The following COL5A2 variants were observed in gnomAD, a reference collection of about 807,000 sequenced individuals.
COL5A2 encodes the protein collagen type V alpha 2 chain, also known as collagen alpha-2(V) chain.
COL5A2 carries 23 observed loss-of-function variants against 208.2 expected under a neutral mutation model. The observed-to-expected ratio is 0.11, with a 90% CI of 0.08 to 0.16. The LOEUF (loss-of-function observed/expected upper bound fraction) is 0.16. Ranked by LOEUF, COL5A2 falls within the 10% of genes least tolerant of loss-of-function variation. The pLI is 1.00. For synonymous variants in COL5A2, 625 were observed against 628.5 expected (o/e 0.99, Z 0.08); for missense variants, 1,590 against 1,956.4 (o/e 0.81, Z 3.53).
intron 35 of COL5A2, among the ~76,000 whole-genome samples, chr2:189,055,036 A>AAG: frequency 6.6e-6 from 1 of 151,978 alleles, no homozygotes; most frequent in East Asian, 1.9e-4. Context: ...AGCGTCTGTC[A>AAG]CCACCACACC....
At chr2:189,181,540 G>A (rs925374403), upstream of COL5A2, among the ~76,000 whole-genome samples, 1 of 152,186 alleles carries the variant, frequency 6.6e-6, no homozygotes, top group African/African-American at 2.4e-5. Context: ...GAGCTTGCCA[G>A]TCCTATTCTA....
intron 4 of COL5A2, among the ~76,000 whole-genome samples, chr2:189,099,200 G>A (rs954085856): frequency 3.3e-5 from 5 of 151,938 alleles, no homozygotes; most frequent in Admixed American, 6.6e-5. Flanking sequence ...GACATAGTAA[G>A]CACACATAAA....
chr2:189,161,648 A>G lies in COL5A2; in HGVS notation c.97+17860T>C, dbSNP rs555744157. Among the ~76,000 whole-genome samples, 9 of 152,362 alleles carry G rather than the reference A, an allele frequency of 5.9e-5. No homozygotes were observed. The South Asian group carries it at 1.7e-3, about 28-fold the overall frequency. Reference sequence around the variant, plus strand: ...CTTAATTTTGAAACATGAAGAAAATATATTTTGCTTGAAATATCAGTCACA... The same window carrying G: ...CTTAATTTTGAAACATGAAGAAAATGTATTTTGCTTGAAATATCAGTCACA... On this transcript the variant is annotated intron_variant, in intron 1 of 53. Transcript: ENST00000374866.
At chr2:189,401,935 GT>G in the COL5A2 span, among the ~76,000 whole-genome samples, 1 of 151,314 alleles carries the variant, frequency 6.6e-6, no homozygotes, top group Non-Finnish European at 1.5e-5. Flanking sequence ...TTGTAAATTT[GT>G]TTAAATTCCT....
At chr2:189,369,503 T>C in the COL5A2 span, among the ~76,000 whole-genome samples, 21 of 152,150 alleles carry the variant, frequency 1.4e-4, no homozygotes, top group Non-Finnish European at 3.1e-4. Context: ...TGAGGGAGTT[T>C]GATACATTCG....
At chr2:189,317,394 T>C in the COL5A2 span, among the ~76,000 whole-genome samples, 4 of 152,110 alleles carry the variant, frequency 2.6e-5, no homozygotes, top group Non-Finnish European at 4.4e-5. Flanking sequence ...ATTTCTTCTC[T>C]GAAAGCAAGA....
chr2:189,244,130 C>G, the COL5A2 span, among the ~76,000 whole-genome samples: 1 of 152,322 alleles, frequency 6.6e-6, no homozygotes, highest in East Asian at 1.9e-4. Context: ...CTCTGTCATG[C>G]CCTGGAGACA....
At chr2:189,336,036 C>T in the COL5A2 span, among the ~76,000 whole-genome samples, 2 of 151,672 alleles carry the variant, frequency 1.3e-5, no homozygotes, top group Non-Finnish European at 2.9e-5. Flanking sequence ...GAAAGAATTC[C>T]TAAAAATAAA....
At chr2:189,259,110 A>C in the COL5A2 span, among the ~76,000 whole-genome samples, 1 of 152,224 alleles carries the variant, frequency 6.6e-6, no homozygotes, top group African/African-American at 2.4e-5. Flanking sequence ...AGTAGGAAAG[A>C]AGTCAATCGT....
the COL5A2 span, among the ~76,000 whole-genome samples, chr2:189,265,974 T>A: frequency 2.4e-4 from 37 of 152,188 alleles, no homozygotes; most frequent in Non-Finnish European, 4.6e-4. Context: ...CTTAAATAAA[T>A]GAAAACATAC....
the COL5A2 span, among the ~76,000 whole-genome samples, chr2:189,254,416 T>G: frequency 1.3e-5 from 2 of 152,226 alleles, no homozygotes; most frequent in Non-Finnish European, 2.9e-5. Flanking sequence ...CTACGGCCAG[T>G]GATCTAAACC....
chr2:189,377,268 A>G, the COL5A2 span, among the ~76,000 whole-genome samples: 1 of 152,148 alleles, frequency 6.6e-6, no homozygotes, highest in Non-Finnish European at 1.5e-5. Flanking sequence ...CAATTCCTAC[A>G]TATTTGTTAA....
intron 16 of COL5A2, among the ~76,000 whole-genome samples, chr2:189,077,794 T>C (rs1268503885): frequency 6.6e-6 from 1 of 152,062 alleles, no homozygotes; most frequent in African/African-American, 2.4e-5. Flanking sequence ...GCAGAGACAG[T>C]GTAAACCCGC....
the COL5A2 span, among the ~76,000 whole-genome samples, chr2:189,290,421 T>C: frequency 1.6e-4 from 25 of 152,208 alleles, no homozygotes; most frequent in African/African-American, 6.0e-4. Context: ...TGTAGTGTCA[T>C]GGCAGCCAAA....
chr2:189,305,514 CCCTCACCAGATA>C, the COL5A2 span, among the ~76,000 whole-genome samples: 14 of 152,176 alleles, frequency 9.2e-5, no homozygotes, highest in Non-Finnish European at 1.9e-4. Context: ...ATTGAGTAAA[CCCTCACCAGATA>C]CCAAACCTGA....
the COL5A2 span, among the ~76,000 whole-genome samples, chr2:189,298,687 C>G: frequency 6.6e-6 from 1 of 152,292 alleles, no homozygotes; most frequent in South Asian, 2.1e-4. Flanking sequence ...GCCAGTTTCT[C>G]CTTCTGGTAG....
the COL5A2 span, among the ~76,000 whole-genome samples, chr2:189,360,507 G>A: frequency 2.6e-5 from 4 of 152,062 alleles, no homozygotes; most frequent in East Asian, 7.7e-4. Flanking sequence ...ATTATTAGAA[G>A]TATGTTATTT....
the COL5A2 span, among the ~76,000 whole-genome samples, chr2:189,397,626 C>T: frequency 6.6e-6 from 1 of 151,726 alleles, no homozygotes; most frequent in Admixed American, 6.6e-5. Flanking sequence ...TGTATTTCAT[C>T]GTTTTAATGT....
intron 3 of COL5A2, among the ~76,000 whole-genome samples, chr2:189,100,366 T>C (rs921033678): frequency 7.9e-5 from 12 of 152,052 alleles, no homozygotes; most frequent in Admixed American, 3.3e-4. Flanking sequence ...GCGTGTGAAA[T>C]ATGTAAAGCT....
Sources: gnomAD v4.1 joint callset for allele counts (sites outside exome capture counted in the v4.1 genomes callset) on GRCh38, gnomAD v4.1.1 for gene constraint, MANE v1.5 for transcripts, NCBI Gene and HGNC (gene_info 2026-07-23, HGNC 2026-07-21) for gene names.